Variants in KIF26B observed in about 807,000 individuals in gnomAD.
KIF26B encodes kinesin-like protein KIF26B.
A neutral mutation model predicts 151.2 loss-of-function variants in KIF26B; 63 were observed. The observed-to-expected ratio is 0.42, with a 90% CI of 0.34 to 0.51. The LOEUF is 0.51. Ranked by LOEUF, KIF26B falls within the 20% of genes least tolerant of loss-of-function variation. The pLI is 0.07. For synonymous variants in KIF26B, 1,357 were observed against 1,262.1 expected, an observed-to-expected ratio of 1.08 and a Z score of -1.59; for missense variants, 2,813 against 2,913.6, an observed-to-expected ratio of 0.97 and a Z score of 0.79.
At chr1:245,465,555 C>T (rs1264201240) in intron 4 of KIF26B, among the ~76,000 whole-genome samples, 1 of 152,210 alleles carries the variant, frequency 6.6e-6, no homozygotes, top group Non-Finnish European at 1.5e-5. Context: ...CCTCTGTGTT[C>T]CGTTTCCTTC....
intron 2 of KIF26B, among the ~76,000 whole-genome samples, chr1:245,339,853 G>A (rs1292634381): frequency 6.6e-6 from 1 of 152,198 alleles, no homozygotes; most frequent in Non-Finnish European, 1.5e-5. Context: ...GATTATGACA[G>A]TCCTAGGTCC....
intron 10 of KIF26B, among the ~76,000 whole-genome samples, chr1:245,681,453 C>G (rs571255613): frequency 6.6e-5 from 10 of 152,284 alleles, no homozygotes; most frequent in African/African-American, 1.9e-4. Context: ...TCATGATCCA[C>G]CCACCTCGGC....
chr1:245,463,143 C>T (rs1321145395), intron 4 of KIF26B, among the ~76,000 whole-genome samples: 1 of 152,222 alleles, frequency 6.6e-6, no homozygotes, highest in African/African-American at 2.4e-5. Flanking sequence ...GCACTCACCA[C>T]CCATTTGTGT....
chr1:245,206,325 T>C (rs1303813607), intron 2 of KIF26B: 2 of 152,258 alleles, frequency 1.3e-5, no homozygotes, highest in Non-Finnish European at 2.9e-5. Flanking sequence ...TGGTCCCCAC[T>C]TCTTCCACTC....
At position 245,540,202 on chromosome 1, in the gene KIF26B, C is replaced by G. The variant is rs1294853191; in HGVS notation, c.1167-565C>G. ...GCCCATAGCCTCAGCGCCCTGCACC[C>G]TGGTTGGAGTTCACCTTCTGATTTG... On this transcript the variant is annotated intron_variant, in intron 4 of 14. Coordinates refer to ENST00000407071, the MANE Select transcript of KIF26B (RefSeq NM_018012.4). This position sits in a 1 kb window ranked among gnomAD's most constrained non-coding sequence, Gnocchi z 4.6. Among the ~76,000 whole-genome samples the G allele has an allele frequency of 1.3e-5, 2 of 152,180 alleles. No individual in the cohort carries two copies. Among genetic ancestry groups the G allele is most frequent in the African/African-American group, 4.8e-5 (2 of 41,434 alleles).
intron 2 of KIF26B, among the ~76,000 whole-genome samples, chr1:245,171,975 G>T (rs936744570): frequency 5.3e-5 from 8 of 152,212 alleles, no homozygotes; most frequent in African/African-American, 1.9e-4. Context: ...ACTGCCAGAA[G>T]GGAAAAGTAA....
At position 245,241,745 on chromosome 1, in the gene KIF26B, T is replaced by A. The variant is rs1670213759; in HGVS notation, c.465+85062T>A. 6.6e-6 allele frequency among the ~76,000 whole-genome samples: 1 copy of A among 152,148 alleles called. No homozygotes were observed. Among genetic ancestry groups the A allele is most frequent in the Non-Finnish European group, 1.5e-5 (1 of 68,014 alleles). On this transcript the variant is annotated intron_variant, in intron 2 of 14. Transcript: ENST00000407071. This position sits in a 1 kb window ranked among gnomAD's most constrained non-coding sequence, Gnocchi z 5.0. ...CCAGCTGGCTGCCCGCTCCCTCCTG[T>A]GGGCAGTGCTTCACAGCGGCAGCGG...
At chr1:245,380,349 C>G (rs1049659866) in intron 3 of KIF26B, among the ~76,000 whole-genome samples, 3 of 152,198 alleles carry the variant, frequency 2.0e-5, no homozygotes, top group Admixed American at 6.5e-5. Flanking sequence ...GCAGCCATGT[C>G]TATATTCAAG....
intron 5 of KIF26B, among the ~76,000 whole-genome samples, chr1:245,554,994 C>T (rs960403551): frequency 2.6e-5 from 4 of 152,132 alleles, no homozygotes; most frequent in Admixed American, 6.5e-5. Context: ...TGCTCAAGGT[C>T]GTATAGAAAG....
intron 3 of KIF26B, among the ~76,000 whole-genome samples, chr1:245,390,810 G>C (rs1673666560): frequency 6.7e-6 from 1 of 150,262 alleles, no homozygotes; most frequent in Admixed American, 6.7e-5. Context: ...TTTTGGCCTA[G>C]CATGATGGTA....
intron 2 of KIF26B, among the ~76,000 whole-genome samples, chr1:245,297,657 T>A (rs1671361961): frequency 6.6e-6 from 1 of 152,230 alleles, no homozygotes; most frequent in South Asian, 2.1e-4. Flanking sequence ...AGGAGTAGGC[T>A]CTGCCTAAGG....
chr1:245,612,772 C>A (rs2043542140), intron 9 of KIF26B, among the ~76,000 whole-genome samples: 1 of 152,144 alleles, frequency 6.6e-6, no homozygotes, highest in African/African-American at 2.4e-5. Flanking sequence ...ACCCTGGCTG[C>A]CTCCCTCAAA....
intron 9 of KIF26B, among the ~76,000 whole-genome samples, chr1:245,645,330 G>T (rs2043935702): frequency 2.0e-5 from 3 of 152,162 alleles, no homozygotes; most frequent in African/African-American, 7.2e-5. Context: ...CAGGTGTGCT[G>T]ATCAGTACTC....
chr1:245,170,965 CAT>C lies in KIF26B; in HGVS notation c.465+14283_465+14284del, dbSNP rs1380719403. On this transcript the variant is annotated intron_variant, in intron 2 of 14. Coordinates refer to ENST00000407071, the MANE Select transcript of KIF26B (RefSeq NM_018012.4). This position sits in a 1 kb window ranked among gnomAD's most constrained non-coding sequence, Gnocchi z 4.4. ...TCTCCATTATTTGGTGAGATGGTAA[CAT>C]GTGATTACATCCCAATGGAGTTGGG... Among the ~76,000 whole-genome samples the C allele has an allele frequency of 6.6e-6, 1 of 152,174 alleles. No homozygotes were observed. Among genetic ancestry groups the C allele is most frequent in the Admixed American group, 6.5e-5 (1 of 15,280 alleles).
intron 2 of KIF26B, among the ~76,000 whole-genome samples, chr1:245,191,642 G>A (rs762445499): frequency 6.6e-5 from 10 of 152,116 alleles, no homozygotes; most frequent in East Asian, 5.8e-4. Context: ...ACATTTGTAC[G>A]TTGACAAAAT....
At chr1:245,195,586 T>C (rs1299947123) in intron 2 of KIF26B, among the ~76,000 whole-genome samples, 1 of 152,064 alleles carries the variant, frequency 6.6e-6, no homozygotes, top group Non-Finnish European at 1.5e-5. Flanking sequence ...TCAGCGGAGG[T>C]CACTTAAGCA....
At chr1:245,439,557 C>T (rs543289265) in intron 4 of KIF26B, among the ~76,000 whole-genome samples, 1 of 152,018 alleles carries the variant, frequency 6.6e-6, no homozygotes, top group Admixed American at 6.6e-5. Context: ...CCCAAGGGCT[C>T]AAGATAAGAA....
At chr1:245,487,104 G>C (rs1253225142) in intron 4 of KIF26B, among the ~76,000 whole-genome samples, 1 of 152,006 alleles carries the variant, frequency 6.6e-6, no homozygotes, top group Non-Finnish European at 1.5e-5. Context: ...GAGAATGGGG[G>C]GGGTGGTTAG....
chr1:245,544,383 T>C, intron 5 of KIF26B, among the ~76,000 whole-genome samples: 1 of 152,128 alleles, frequency 6.6e-6, no homozygotes, highest in East Asian at 1.9e-4. Flanking sequence ...AGCAGGAATC[T>C]CCAACGCTTG....
Sources: gnomAD v4.1 joint callset for allele counts (sites outside exome capture counted in the v4.1 genomes callset) on GRCh38, gnomAD v4.1.1 for gene constraint, Gnocchi (gnomAD v3.1) non-coding constraint, MANE v1.5 for transcripts, NCBI Gene and HGNC (gene_info 2026-07-23, HGNC 2026-07-21) for gene names.